RNF152: variants seen among roughly 807,000 people sequenced by gnomAD.
The protein encoded by RNF152 is ring finger protein 152.
RNF152 carries 11 observed loss-of-function variants against 12.7 expected under a neutral mutation model. That is an observed-to-expected ratio of 0.86 (90% CI 0.54 to 1.43). RNF152 has a LOEUF of 1.43. Ranked by LOEUF, RNF152 falls within the 40% of genes most tolerant of loss-of-function variation. The pLI is 0.00. For synonymous variants in RNF152, 113 were observed against 120.3 expected (o/e 0.94, Z 0.40); for missense variants, 255 against 274.8 (o/e 0.93, Z 0.51).
At chr18:61,823,219 GCA>G (rs1909500717) in intron 1 of RNF152, among the ~76,000 whole-genome samples, 1 of 152,204 alleles carries the variant, frequency 6.6e-6, no homozygotes, top group African/African-American at 2.4e-5. Flanking sequence ...TCTAATATTT[GCA>G]CAGTTTCCTC....
chr18:61,876,297 C>T (rs1269194043), intron 1 of RNF152, among the ~76,000 whole-genome samples: 2 of 152,202 alleles, frequency 1.3e-5, no homozygotes, highest in Non-Finnish European at 2.9e-5. Context: ...CATGTTCTTA[C>T]TCCTGCAGGG....
At chr18:61,863,281 A>G (rs2144720725) in intron 1 of RNF152, among the ~76,000 whole-genome samples, 1 of 151,988 alleles carries the variant, frequency 6.6e-6, no homozygotes, top group Middle Eastern at 3.4e-3. Flanking sequence ...AAAAATACAA[A>G]AAAATTAGCC....
At chr18:61,889,398 C>T (rs1256030091) in intron 1 of RNF152, among the ~76,000 whole-genome samples, 6 of 152,156 alleles carry the variant, frequency 3.9e-5, no homozygotes, top group African/African-American at 1.2e-4. Context: ...CCGTGCATGC[C>T]GTTATCACAA....
chr18:61,886,462 G>T (rs1912703379), intron 1 of RNF152, among the ~76,000 whole-genome samples: 1 of 152,180 alleles, frequency 6.6e-6, no homozygotes, highest in Admixed American at 6.5e-5. Flanking sequence ...TTTCAATACA[G>T]TATTCAATAA....
chr18:61,887,593 G>A (rs537434456), intron 1 of RNF152, among the ~76,000 whole-genome samples: 1 of 151,510 alleles, frequency 6.6e-6, no homozygotes, highest in African/African-American at 2.4e-5. Flanking sequence ...CCAGCTACTC[G>A]AGAGGCTGAG....
chr18:61,869,383 A>G (rs926707555), intron 1 of RNF152, among the ~76,000 whole-genome samples: 1 of 152,172 alleles, frequency 6.6e-6, no homozygotes, highest in African/African-American at 2.4e-5. Flanking sequence ...CTACTTCCAA[A>G]TAAACATGGG....
At chr18:61,877,811 G>A (rs552898717) in intron 1 of RNF152, among the ~76,000 whole-genome samples, 10 of 152,084 alleles carry the variant, frequency 6.6e-5, no homozygotes, top group African/African-American at 1.9e-4. Context: ...ATACTGGCAC[G>A]GCTGCTTCAG....
chr18:61,833,690 G>C (rs1302128091), intron 1 of RNF152, among the ~76,000 whole-genome samples: 1 of 152,004 alleles, frequency 6.6e-6, no homozygotes, highest in Non-Finnish European at 1.5e-5. Flanking sequence ...AGGGCCAAAG[G>C]GACTATGCAT....
intron 1 of RNF152, among the ~76,000 whole-genome samples, chr18:61,892,099 G>T (rs943909155): frequency 7.3e-4 from 111 of 152,160 alleles, no homozygotes; most frequent in African/African-American, 2.6e-3. Context: ...ACTATCCTTG[G>T]AAAGAAAAGA....
At chr18:61,832,861 GCC>G (rs1434883933) in intron 1 of RNF152, among the ~76,000 whole-genome samples, 12 of 152,354 alleles carry the variant, frequency 7.9e-5, no homozygotes. Flanking sequence ...AATACATCTT[GCC>G]AGTTGGCATA....
intron 1 of RNF152, among the ~76,000 whole-genome samples, chr18:61,867,881 T>C (rs941833641): frequency 6.6e-6 from 1 of 152,230 alleles, no homozygotes; most frequent in African/African-American, 2.4e-5. Context: ...GAACCCCCAC[T>C]GTACTATAAA....
In RNF152 at chr18:61,816,481, A is replaced by G. The variant is rs774996944; in HGVS notation, c.-18T>C. 14 of 1,581,570 alleles carry G rather than the reference A, an allele frequency of 8.9e-6. No homozygotes were observed. Among genetic ancestry groups the G allele is most frequent in the Non-Finnish European group, 1.2e-5 (14 of 1,159,188 alleles). ...GTCTCCATGGTGGACCGTGAGCAGGAAGGGCAAGGCCAAGGTGAAGGGGAA... is the reference window on the plus strand; with the variant it reads ...GTCTCCATGGTGGACCGTGAGCAGGGAGGGCAAGGCCAAGGTGAAGGGGAA... On this transcript the variant is annotated 5_prime_UTR_variant, in exon 2 of 2. Coordinates refer to ENST00000312828, the MANE Select transcript of RNF152 (RefSeq NM_173557.3).
At chr18:61,885,338 C>T (rs192181105) in intron 1 of RNF152, among the ~76,000 whole-genome samples, 76 of 152,080 alleles carry the variant, frequency 5.0e-4, no homozygotes, top group Admixed American at 2.6e-3. Flanking sequence ...GACAGAGCCT[C>T]GGTCTTTTGC....
intron 1 of RNF152, among the ~76,000 whole-genome samples, chr18:61,848,013 C>G (rs908537891): frequency 6.6e-6 from 1 of 152,172 alleles, no homozygotes; most frequent in Admixed American, 6.5e-5. Flanking sequence ...CTTCTAACAC[C>G]TTATGTAATC....
At chr18:61,865,316 C>G (rs181056355) in intron 1 of RNF152, among the ~76,000 whole-genome samples, 264 of 152,236 alleles carry the variant, frequency 1.7e-3, no homozygotes, top group African/African-American at 6.0e-3. Flanking sequence ...AAGGTTTCTT[C>G]TTCAGATTTA....
At position 61,816,179 on chromosome 18, in the gene RNF152, G is replaced by T; in HGVS notation, c.285C>A (p.Pro95=). 1 of 1,614,246 alleles carries T rather than the reference G, an allele frequency of 6.2e-7. No individual in the cohort carries two copies. The change falls in exon 2 of 2, where the codon CCC becomes CCA. Residue 95 remains proline (P), a synonymous_variant. Transcript: ENST00000312828. ...SEHTPVFIKL[P]SNGCYMLPLP... is the part of the protein sequence containing the mutation. ...GGGGCAGCATGTAGCACCCATTGCTGGGAAGTTTGATGAAGACCGGGGTGT... is the reference window on the plus strand; with the variant it reads ...GGGGCAGCATGTAGCACCCATTGCTTGGAAGTTTGATGAAGACCGGGGTGT...
intron 1 of RNF152, among the ~76,000 whole-genome samples, chr18:61,845,044 G>A (rs997927641): frequency 6.6e-6 from 1 of 152,176 alleles, no homozygotes; most frequent in Non-Finnish European, 1.5e-5. Flanking sequence ...TACAAGTGCA[G>A]AGGCTGAGTT....
In RNF152 at chr18:61,885,985, C is replaced by CT. The variant is rs558169838; in HGVS notation, c.-136+6809dup. Among the ~76,000 whole-genome samples, 588 of 81,692 alleles carry CT rather than the reference C, an allele frequency of 7.2e-3. 12 individuals are homozygous for CT. The highest frequency in any genetic ancestry group is 7.7e-3 in the Non-Finnish European group (334 of 43,166). 53.6% of individuals were successfully genotyped at this position (81,692 alleles called of 152,430 possible). Reference sequence around the variant, plus strand: ...TTTTTCTTTTGCTTTCTTTTGCTTTCTTTTTTTTTTTTTTTTTTTTTTTTT... The same window carrying CT: ...TTTTTCTTTTGCTTTCTTTTGCTTTCTTTTTTTTTTTTTTTTTTTTTTTTTT... On this transcript the variant is annotated intron_variant, in intron 1 of 1. Coordinates refer to ENST00000312828, the MANE Select transcript of RNF152 (RefSeq NM_173557.3).
intron 1 of RNF152, among the ~76,000 whole-genome samples, chr18:61,883,209 A>G (rs6567248): frequency 0.75 from 114,432 of 152,134 alleles, 43,490 homozygotes; most frequent in African/African-American, 0.87. Context: ...GCTTTCAAAA[A>G]TATTTCTGAA....
Sources: allele counts gnomAD v4.1 joint callset (sites outside exome capture counted in the v4.1 genomes callset), GRCh38; gene constraint gnomAD v4.1.1; transcripts MANE v1.5; gene names NCBI Gene and HGNC (gene_info 2026-07-23, HGNC 2026-07-21).